The following AMBRA1 variants were observed in gnomAD, a reference collection of about 807,000 sequenced individuals.
The protein encoded by AMBRA1 is autophagy and beclin 1 regulator 1, also known as activating molecule in BECN1-regulated autophagy protein 1.
AMBRA1 carries 47 observed loss-of-function variants against 125.4 expected under a neutral mutation model. That is an observed-to-expected ratio of 0.37 (90% CI 0.30 to 0.48). The LOEUF is 0.48. Among genes scored for constraint, AMBRA1 ranks in the 20% least tolerant of loss-of-function variants. AMBRA1 has a pLI of 0.99. For missense variants in AMBRA1, 1,331 were observed against 1,693.4 expected (o/e 0.79, Z 3.76); for synonymous variants, 626 against 655.5 (o/e 0.95, Z 0.69).
Position 46,397,741 on chromosome 11 carries a change from G to A in AMBRA1, c.3606C>T (p.His1202=), listed in dbSNP as rs747152677. The change falls in exon 18 of 18, where the codon CAC becomes CAT. Residue 1202 remains histidine, a synonymous_variant. Coordinates refer to ENST00000683756, the MANE Select transcript of AMBRA1 (RefSeq NM_001387011.1). ...SQTGTEPGAA[H]TSSPQPSTSR... is the part of the protein sequence containing the mutation. ...AGGTGGAGGGCTGGGGTGAGGAGGT[G>A]TGGGCGGCACCAGGTTCAGTGCCCG... is the stretch of plus-strand genomic sequence containing the variant. 5 of 1,612,934 alleles carry A rather than the reference G, an allele frequency of 3.1e-6. No individual in the cohort carries two copies. Among genetic ancestry groups the A allele is most frequent in the Non-Finnish European group, 4.2e-6 (5 of 1,180,004 alleles).
At chr11:46,583,696 T>TCAAAAAG (rs1311751449) in intron 1 of AMBRA1, among the ~76,000 whole-genome samples, 6 of 86,500 alleles carry the variant, frequency 6.9e-5, no homozygotes, top group Non-Finnish European at 1.6e-4. Flanking sequence ...AACAACCCCA[T>TCAAAAAG]CAAAAAGTGG....
chr11:46,434,934 C>T lies in AMBRA1; in HGVS notation c.2736G>A (p.Gln912=), dbSNP rs755428428. 31 of 1,614,002 alleles carry T rather than the reference C, an allele frequency of 1.9e-5. No homozygotes were observed. The highest frequency in any genetic ancestry group is 2.6e-5 in the Non-Finnish European group (31 of 1,180,004). Residue 912 remains glutamine, a synonymous_variant, in exon 13 of 18, where the codon CAG becomes CAA. Transcript: ENST00000683756. ...QLLAAFIPSS[Q]RGFPDEGILA... ...GGATGCCTTCATCAGGAAAGCCCCT[C>T]TGGCTGCTGGGGATGAAAGCTGCCA...
chr11:46,543,147 G>A lies in AMBRA1; in HGVS notation c.870C>T (p.Leu290=), dbSNP rs769420361. 3 of 1,566,708 alleles carry A rather than the reference G, an allele frequency of 1.9e-6. No individual in the cohort carries two copies. In the South Asian group the frequency reaches 3.4e-5, roughly 18 times the overall value. ...ERPRTSAYIR[L]RQRVSYPTAE... is the part of the protein sequence containing the mutation. ...CTGTGGGGTAACTGACCCGCTGTCG[G>A]AGCCTGATGTAAGCGGAAGTCCTGG... The change falls in exon 7 of 18, where the codon CTC becomes CTT. Residue 290 remains leucine (L), a synonymous_variant. Coordinates refer to ENST00000683756, the MANE Select transcript of AMBRA1 (RefSeq NM_001387011.1).
chr11:46,436,446 G>A (rs1413208759), intron 12 of AMBRA1, among the ~76,000 whole-genome samples: 1 of 152,210 alleles, frequency 6.6e-6, no homozygotes, highest in Non-Finnish European at 1.5e-5. Flanking sequence ...TAAAACCGAA[G>A]AGGGACCACA....
rs182912172 is a variant in AMBRA1, at chr11:46,578,182, T to C, written c.-121+15646A>G. Among the ~76,000 whole-genome samples, 503 of 152,000 alleles carry C rather than the reference T, an allele frequency of 3.3e-3. 2 individuals carry two copies. Among genetic ancestry groups the C allele is most frequent in the Non-Finnish European group, 4.0e-3 (275 of 67,976 alleles). ...TCCATATAAGCATTTCCCAGGAAAG[T>C]TACCATATAAAATTCCAGGTAGGGC... On this transcript the variant is annotated intron_variant, in intron 1 of 17. Coordinates refer to ENST00000683756, the MANE Select transcript of AMBRA1 (RefSeq NM_001387011.1).
chr11:46,559,160 C>T (rs926600611), intron 1 of AMBRA1, among the ~76,000 whole-genome samples: 3 of 151,908 alleles, frequency 2.0e-5, no homozygotes, highest in African/African-American at 7.3e-5. Context: ...ATTAGATGGG[C>T]GTGGTGGCAC....
chr11:46,408,607 G>T lies in AMBRA1; in HGVS notation c.3309C>A (p.Gly1103=). ...RNPATSVTSQ[G]TQTLALQLQN... is the part of the protein sequence containing the mutation. Reference sequence around the variant, plus strand: ...GCAGCTGAAGGGCCAGAGTCTGGGTGCCCTGAGATGTCACTGAGGTGGCAG... The same window carrying T: ...GCAGCTGAAGGGCCAGAGTCTGGGTTCCCTGAGATGTCACTGAGGTGGCAG... Residue 1103 remains glycine, a synonymous_variant, in exon 17 of 18, where the codon GGC becomes GGA. Transcript: ENST00000683756. 1.2e-6 allele frequency: 2 copies of T among 1,609,932 alleles called. No individual in the cohort carries two copies. Among genetic ancestry groups the T allele is most frequent in the South Asian group, 2.2e-5 (2 of 90,738 alleles).
At chr11:46,483,625 C>T (rs1950158635) in intron 11 of AMBRA1, among the ~76,000 whole-genome samples, 1 of 152,158 alleles carries the variant, frequency 6.6e-6, no homozygotes, top group Admixed American at 6.5e-5. Flanking sequence ...GGCTGGCAGG[C>T]ATGGTGGCTC....
At chr11:46,488,878 G>C (rs1226200862) in intron 11 of AMBRA1, among the ~76,000 whole-genome samples, 2 of 152,150 alleles carry the variant, frequency 1.3e-5, no homozygotes, top group Admixed American at 6.5e-5. Context: ...GTCGTACTGA[G>C]AAGTGACACC....
At chr11:46,456,912 C>T (rs762852514) in intron 11 of AMBRA1, among the ~76,000 whole-genome samples, 3 of 152,188 alleles carry the variant, frequency 2.0e-5, no homozygotes, top group Non-Finnish European at 4.4e-5. Context: ...CCTCCTCTTC[C>T]GCCCCCACTC....
At chr11:46,440,024 A>T (rs1031116234) in intron 12 of AMBRA1, among the ~76,000 whole-genome samples, 1 of 152,130 alleles carries the variant, frequency 6.6e-6, no homozygotes, top group African/African-American at 2.4e-5. Flanking sequence ...GTGGAATAAT[A>T]ATTTGGCACG....
At chr11:46,578,753 C>T (rs1419016126) in intron 1 of AMBRA1, among the ~76,000 whole-genome samples, 2 of 150,662 alleles carry the variant, frequency 1.3e-5, no homozygotes, top group African/African-American at 2.4e-5. Flanking sequence ...TGGTGGCGGG[C>T]GTCTGTAGTC....
Position 46,590,099 on chromosome 11 carries a change from G to A in AMBRA1, c.-121+3729C>T, listed in dbSNP as rs146023586. On this transcript the variant is annotated intron_variant, in intron 1 of 17. Coordinates refer to ENST00000683756, the MANE Select transcript of AMBRA1 (RefSeq NM_001387011.1). ...ACAGTATAAAAATGTATGGCCGAGC[G>A]AGGTGGCTCATGCCTGTAATCCCAG... 9.7e-3 allele frequency among the ~76,000 whole-genome samples: 1,470 copies of A among 151,906 alleles called. 15 individuals are homozygous for A. The highest frequency in any genetic ancestry group is 0.034 in the African/African-American group (1,416 of 41,440).
At chr11:46,511,293 T>C (rs1951247234) in intron 8 of AMBRA1, among the ~76,000 whole-genome samples, 1 of 152,200 alleles carries the variant, frequency 6.6e-6, no homozygotes, top group Non-Finnish European at 1.5e-5. Context: ...TCACATAAAC[T>C]TCCTTGTTTC....
At chr11:46,451,604 T>TA (rs942065441) in intron 11 of AMBRA1, among the ~76,000 whole-genome samples, 1 of 151,802 alleles carries the variant, frequency 6.6e-6, no homozygotes, top group African/African-American at 2.4e-5. Flanking sequence ...TCGGGGAAGG[T>TA]AAAAAAGGGC....
Position 46,429,004 on chromosome 11 carries a change from C to T in AMBRA1, c.2976+4470G>A, listed in dbSNP as rs1947312684. On this transcript the variant is annotated intron_variant, in intron 14 of 17. Coordinates refer to ENST00000683756, the MANE Select transcript of AMBRA1 (RefSeq NM_001387011.1). Reference sequence around the variant, plus strand: ...CGTAGCCTCGGGACTTGAGAGACTGCATGGCCTTCATGACATGAAGGTTGG... The same window carrying T: ...CGTAGCCTCGGGACTTGAGAGACTGTATGGCCTTCATGACATGAAGGTTGG... 7 of 1,612,138 alleles carry T rather than the reference C, an allele frequency of 4.3e-6. No individual in the cohort carries two copies. The Admixed American group carries it at 1.2e-4, about 27-fold the overall frequency.
At chr11:46,447,708 GTAGA>G (rs59044666) in intron 11 of AMBRA1, among the ~76,000 whole-genome samples, 3,749 of 138,610 alleles carry the variant, frequency 0.027, 77 homozygotes, top group African/African-American at 0.046. Flanking sequence ...AGACCATCTT[GTAGA>G]TAGATAGATA....
At chr11:46,424,824 C>A (rs1947036627) in intron 14 of AMBRA1, among the ~76,000 whole-genome samples, 1 of 151,878 alleles carries the variant, frequency 6.6e-6, no homozygotes, top group African/African-American at 2.4e-5. Flanking sequence ...TGGGTGAGAT[C>A]CTGTGTCTTA....
At chr11:46,411,096 T>C (rs865946962) in intron 15 of AMBRA1, among the ~76,000 whole-genome samples, 29 of 118,362 alleles carry the variant, frequency 2.5e-4, no homozygotes, top group Middle Eastern at 5.3e-3. Context: ...CAAGACTCTG[T>C]CTCAAAAAAA....
Sources: allele counts gnomAD v4.1 joint callset (sites outside exome capture counted in the v4.1 genomes callset), GRCh38; gene constraint gnomAD v4.1.1; transcripts MANE v1.5; gene names NCBI Gene and HGNC (gene_info 2026-07-23, HGNC 2026-07-21).